ZNF93: variants seen among roughly 807,000 people sequenced by gnomAD.
ZNF93 encodes zinc finger protein 93, also known as zinc finger protein 505.
In ZNF93, 29 loss-of-function variants were observed where a neutral mutation model predicts 45.0. The observed-to-expected ratio is 0.64, with a 90% CI of 0.48 to 0.88. The LOEUF is 0.88. Ranked by LOEUF, ZNF93 falls within the 40% of genes least tolerant of loss-of-function variation. ZNF93 has a pLI of 0.00. For synonymous variants in ZNF93, 223 were observed against 244.6 expected, an observed-to-expected ratio of 0.91 and a Z score of 0.82; for missense variants, 578 against 724.0, an observed-to-expected ratio of 0.80 and a Z score of 2.31.
intron 1 of ZNF93, among the ~76,000 whole-genome samples, chr19:19,910,650 C>CTTTTTTTTTTTT (rs35098061): frequency 7.2e-6 from 1 of 138,184 alleles, no homozygotes. Context: ...GTTCTTTCAG[C>CTTTTTTTTTTTT]TTTTTTTTTT....
At chr19:19,929,403 T>G (rs940851934) in intron 3 of ZNF93, among the ~76,000 whole-genome samples, 4 of 152,216 alleles carry the variant, frequency 2.6e-5, no homozygotes, top group Non-Finnish European at 5.9e-5. Flanking sequence ...TTTACCTGAA[T>G]TTTCTATTAT....
chr19:19,911,429 T>C (rs975600147), intron 1 of ZNF93, among the ~76,000 whole-genome samples: 1 of 152,230 alleles, frequency 6.6e-6, no homozygotes, highest in Non-Finnish European at 1.5e-5. Flanking sequence ...AAGAGATATC[T>C]TTGGTTGGTA....
intron 3 of ZNF93, among the ~76,000 whole-genome samples, chr19:19,927,995 C>G (rs1404906710): frequency 6.6e-6 from 1 of 152,180 alleles, no homozygotes; most frequent in Non-Finnish European, 1.5e-5. Flanking sequence ...TATCTGCCAA[C>G]CTCACCCTCC....
chr19:19,920,757 G>C (rs1373899327), intron 3 of ZNF93, among the ~76,000 whole-genome samples: 2 of 152,114 alleles, frequency 1.3e-5, no homozygotes, highest in Non-Finnish European at 2.9e-5. Context: ...ATTCTCTGAT[G>C]GTAGTTTGTA....
chr19:19,901,970 A>T (rs1024808907), intron 1 of ZNF93, among the ~76,000 whole-genome samples: 1 of 152,088 alleles, frequency 6.6e-6, no homozygotes, highest in African/African-American at 2.4e-5. Context: ...GGCGTCTGTA[A>T]TCCCAGCTAC....
chr19:19,929,078 C>T (rs755547736), intron 3 of ZNF93, among the ~76,000 whole-genome samples: 8 of 152,110 alleles, frequency 5.3e-5, no homozygotes, highest in African/African-American at 9.7e-5. Context: ...TACATCCTCT[C>T]GGTAACCAAA....
At chr19:19,921,376 T>C (rs565350828) in intron 3 of ZNF93, among the ~76,000 whole-genome samples, 1 of 152,336 alleles carries the variant, frequency 6.6e-6, no homozygotes, top group East Asian at 1.9e-4. Context: ...GTGGTCAATT[T>C]TGGAATAAGT....
intron 1 of ZNF93, 29 bp downstream of exon 1, chr19:19,901,120 G>C: frequency 6.2e-7 from 1 of 1,613,324 alleles, no homozygotes; most frequent in East Asian, 2.2e-5. Context: ...CATCCCAAGC[G>C]ACGGGGAGGG....
At chr19:19,913,904 T>TAAAC (rs1255556075) in intron 1 of ZNF93, among the ~76,000 whole-genome samples, 14 of 152,182 alleles carry the variant, frequency 9.2e-5, no homozygotes, top group African/African-American at 3.4e-4. Context: ...CTGCCATGCG[T>TAAAC]TTAGTACTCA....
At chr19:19,904,833 T>A (rs573831396) in intron 1 of ZNF93, among the ~76,000 whole-genome samples, 29 of 150,272 alleles carry the variant, frequency 1.9e-4, no homozygotes, top group South Asian at 8.4e-4. Context: ...GATGACAGAC[T>A]CCCTTTTCTC....
intron 1 of ZNF93, among the ~76,000 whole-genome samples, chr19:19,903,455 G>T (rs1173288884): frequency 2.0e-5 from 3 of 152,072 alleles, no homozygotes; most frequent in African/African-American, 4.8e-5. Flanking sequence ...TTTATTTTAG[G>T]CCTGGCCCGG....
Position 19,916,624 on chromosome 19 carries a change from G to C in ZNF93, c.195G>C (p.Met65Ile). The C allele has an allele frequency of 6.2e-7, 1 of 1,612,162 alleles. No homozygotes were observed. Among genetic ancestry groups the C allele is most frequent in the Non-Finnish European group, 8.5e-7 (1 of 1,179,298 alleles). Reference protein sequence around the residue: ...HLEQGKKPLTMKRHEMVANPS... With the variant: ...HLEQGKKPLTIKRHEMVANPS... ...AGCAAGGAAAAAAACCTTTGACTATGAAGAGACATGAGATGGTAGCCAACC... is the reference window on the plus strand; with the variant it reads ...AGCAAGGAAAAAAACCTTTGACTATCAAGAGACATGAGATGGTAGCCAACC... The change falls in exon 3 of 4, where the codon ATG (methionine) becomes ATC (isoleucine). Residue 65 changes from methionine (M) to isoleucine (I), a missense_variant. Transcript: ENST00000343769.
chr19:19,931,101 A>T (rs1181570641), intron 3 of ZNF93, among the ~76,000 whole-genome samples: 8 of 150,816 alleles, frequency 5.3e-5, no homozygotes, highest in Non-Finnish European at 1.2e-4. Context: ...ATGCTTTTTT[A>T]AAAAAACCAC....
At chr19:19,918,349 CATT>C (rs1369489346) in intron 3 of ZNF93, among the ~76,000 whole-genome samples, 1 of 152,130 alleles carries the variant, frequency 6.6e-6, no homozygotes, top group Non-Finnish European at 1.5e-5. Context: ...TCCAGTCTAT[CATT>C]GTTGTACATT....
At chr19:19,913,493 G>T (rs2063315331) in intron 1 of ZNF93, among the ~76,000 whole-genome samples, 1 of 152,072 alleles carries the variant, frequency 6.6e-6, no homozygotes, top group Admixed American at 6.6e-5. Flanking sequence ...TGGTCACAGG[G>T]CCTATTCTAT....
At chr19:19,916,903 G>A (rs1215818337) in intron 3 of ZNF93, among the ~76,000 whole-genome samples, 2 of 152,126 alleles carry the variant, frequency 1.3e-5, no homozygotes, top group African/African-American at 4.8e-5. Context: ...AGTTCTCAGT[G>A]AGAGCCACAG....
At chr19:19,905,145 C>T (rs1482360681) in intron 1 of ZNF93, among the ~76,000 whole-genome samples, 1 of 151,842 alleles carries the variant, frequency 6.6e-6, no homozygotes, top group Non-Finnish European at 1.5e-5. Flanking sequence ...CCACTTGGGC[C>T]ACTATCTGTA....
At chr19:19,921,097 C>G (rs1483894455) in intron 3 of ZNF93, among the ~76,000 whole-genome samples, 4 of 152,154 alleles carry the variant, frequency 2.6e-5, no homozygotes, top group Non-Finnish European at 5.9e-5. Context: ...AAATTTCCCT[C>G]TACACACTGC....
intron 2 of ZNF93, 21 bp downstream of exon 2, chr19:19,915,427 T>C: frequency 6.2e-7 from 1 of 1,605,306 alleles, no homozygotes; most frequent in South Asian, 1.1e-5. Flanking sequence ...CTTTAATACA[T>C]AATTCATAAT....
Sources: gnomAD v4.1 joint callset for allele counts (sites outside exome capture counted in the v4.1 genomes callset) on GRCh38, gnomAD v4.1.1 for gene constraint, MANE v1.5 for transcripts, NCBI Gene and HGNC (gene_info 2026-07-23, HGNC 2026-07-21) for gene names.